The following SYNPR variants were observed in gnomAD, a reference collection of about 807,000 sequenced individuals.
SYNPR encodes the protein synaptoporin.
In SYNPR, 23 loss-of-function variants were observed where a neutral mutation model predicts 32.9. The observed-to-expected ratio is 0.70, with a 90% CI of 0.50 to 0.99. The LOEUF (loss-of-function observed/expected upper bound fraction) is 0.99, where lower values mean the gene tolerates loss of function less well. Among genes scored for constraint, SYNPR ranks in the 50% least tolerant of loss-of-function variants. The pLI is 0.00. For missense variants in SYNPR, 318 were observed against 349.3 expected, an observed-to-expected ratio of 0.91 and a Z score of 0.71; for synonymous variants, 146 against 135.9, an observed-to-expected ratio of 1.07 and a Z score of -0.52.
At chr3:63,210,819 TCC>T in the SYNPR span, among the ~76,000 whole-genome samples, 2 of 151,564 alleles carry the variant, frequency 1.3e-5, no homozygotes, top group African/African-American at 4.9e-5. Flanking sequence ...CTTCCTTCCT[TCC>T]TTTCCTTCCT....
intron 3 of SYNPR, among the ~76,000 whole-genome samples, chr3:63,481,938 A>T (rs1701056974): frequency 6.6e-6 from 1 of 152,296 alleles, no homozygotes; most frequent in Admixed American, 6.5e-5. Context: ...TTTCCCACTA[A>T]GAGATGTGGC....
At chr3:63,487,949 C>G (rs12634041) in intron 3 of SYNPR, among the ~76,000 whole-genome samples, 33,675 of 151,968 alleles carry the variant, frequency 0.22, 4,025 homozygotes, top group East Asian at 0.31. Flanking sequence ...ACCATTCCCC[C>G]GCTCATGACT....
intron 2 of SYNPR, among the ~76,000 whole-genome samples, chr3:63,433,125 C>A (rs1460240894): frequency 6.6e-6 from 1 of 152,144 alleles, no homozygotes; most frequent in Non-Finnish European, 1.5e-5. Context: ...AGGGTGGAAG[C>A]TTTTTCTGAA....
At chr3:63,264,138 T>C (rs2086461651) in intron 2 of SYNPR, among the ~76,000 whole-genome samples, 2 of 152,154 alleles carry the variant, frequency 1.3e-5, no homozygotes, top group Non-Finnish European at 2.9e-5. Flanking sequence ...CTTCTTGTGA[T>C]TAGTGTATAT....
the SYNPR span, among the ~76,000 whole-genome samples, chr3:63,220,368 T>C: frequency 6.6e-6 from 1 of 152,206 alleles, no homozygotes; most frequent in Non-Finnish European, 1.5e-5. Context: ...AGTTATGAGA[T>C]GGTTAATAAC....
chr3:63,534,659 T>G (rs1400435120), intron 3 of SYNPR, among the ~76,000 whole-genome samples: 1 of 152,140 alleles, frequency 6.6e-6, no homozygotes, highest in African/African-American at 2.4e-5. Context: ...TGGCTTACAG[T>G]TCTAGTGGCT....
At chr3:63,543,873 T>C (rs1332559330) in intron 3 of SYNPR, among the ~76,000 whole-genome samples, 4 of 152,038 alleles carry the variant, frequency 2.6e-5, no homozygotes, top group African/African-American at 9.7e-5. Context: ...TTCCCTTATG[T>C]AGCTGGCCAT....
chr3:63,380,130 T>C (rs966775966), intron 2 of SYNPR, among the ~76,000 whole-genome samples: 2 of 152,194 alleles, frequency 1.3e-5, no homozygotes, highest in Admixed American at 1.3e-4. Context: ...CTATTGTGAA[T>C]AGTGCCTCAA....
the SYNPR span, among the ~76,000 whole-genome samples, chr3:63,208,910 C>A: frequency 6.6e-6 from 1 of 152,140 alleles, no homozygotes; most frequent in Non-Finnish European, 1.5e-5. Context: ...TACTACTTCC[C>A]TCAAAGGTTT....
intron 3 of SYNPR, among the ~76,000 whole-genome samples, chr3:63,267,980 CA>C (rs1253437755): frequency 3.3e-5 from 5 of 152,146 alleles, no homozygotes; most frequent in Admixed American, 6.5e-5. Context: ...TATTTTAAAA[CA>C]GTTCATAACT....
intron 2 of SYNPR, among the ~76,000 whole-genome samples, chr3:63,286,747 G>C (rs963040518): frequency 6.6e-6 from 1 of 152,174 alleles, no homozygotes; most frequent in African/African-American, 2.4e-5. Flanking sequence ...TACTAGCTTA[G>C]GCTCCTTTAA....
chr3:63,396,796 G>A (rs1052220788), intron 2 of SYNPR, among the ~76,000 whole-genome samples: 6 of 152,172 alleles, frequency 3.9e-5, no homozygotes, highest in African/African-American at 1.4e-4. Flanking sequence ...AGAGGGAACA[G>A]CCTAAAACTT....
Position 63,346,897 on chromosome 3 carries a change from A to T in SYNPR, c.84+68155A>T, listed in dbSNP as rs78746255. Among the ~76,000 whole-genome samples the T allele has an allele frequency of 3.0e-3, 461 of 152,366 alleles. 2 individuals carry two copies. The highest frequency in any genetic ancestry group is 0.011 in the African/African-American group (447 of 41,584). On this transcript the variant is annotated intron_variant, in intron 2 of 5. Coordinates refer to ENST00000478300, the MANE Select transcript of SYNPR (RefSeq NM_001130003.2). ...ATGGCACTGGGCGATGGAGTAATCT[A>T]TAAGTTGACAGATATTCTATGGATA...
At chr3:63,555,781 C>A (rs551330948) in intron 3 of SYNPR, among the ~76,000 whole-genome samples, 3 of 152,200 alleles carry the variant, frequency 2.0e-5, no homozygotes, top group East Asian at 1.9e-4. Flanking sequence ...AACCAAGATT[C>A]CCACTATCAT....
intron 2 of SYNPR, among the ~76,000 whole-genome samples, chr3:63,344,861 G>C (rs988406843): frequency 6.6e-6 from 1 of 152,160 alleles, no homozygotes; most frequent in African/African-American, 2.4e-5. Context: ...GTTGGGTTCA[G>C]CATGAAATTG....
At chr3:63,212,097 T>C in the SYNPR span, among the ~76,000 whole-genome samples, 1 of 52,664 alleles carries the variant, frequency 1.9e-5, no homozygotes, top group East Asian at 2.6e-4. Flanking sequence ...ATTTTCTTAA[T>C]CCAGTCTACC....
intron 4 of SYNPR, among the ~76,000 whole-genome samples, chr3:63,595,874 A>G (rs180680864): frequency 0.05 from 2,495 of 49,632 alleles, 223 homozygotes; most frequent in Non-Finnish European, 0.067. Context: ...TATATATATA[A>G]TTTTATATAT....
chr3:63,600,389 T>C (rs1050840898), intron 4 of SYNPR, among the ~76,000 whole-genome samples: 6 of 152,176 alleles, frequency 3.9e-5, no homozygotes, highest in Admixed American at 3.3e-4. Flanking sequence ...CCAGCTGGGT[T>C]TGGCCAGTGG....
rs556246398 is a variant in SYNPR, at chr3:63,400,917, T to C, written c.85-79915T>C. On this transcript the variant is annotated intron_variant, in intron 2 of 5. Transcript: ENST00000478300. ...TGTGAAGAGGTATAGCAACACAGAATGGCTTGATACATATGATGGAAAATC... is the reference window on the plus strand; with the variant it reads ...TGTGAAGAGGTATAGCAACACAGAACGGCTTGATACATATGATGGAAAATC... Among the ~76,000 whole-genome samples, 7 of 152,252 alleles carry C rather than the reference T, an allele frequency of 4.6e-5. No homozygotes were observed. The South Asian group carries it at 1.5e-3, about 32-fold the overall frequency.
Sources: gnomAD v4.1 joint callset for allele counts (sites outside exome capture counted in the v4.1 genomes callset) on GRCh38, gnomAD v4.1.1 for gene constraint, MANE v1.5 for transcripts, NCBI Gene and HGNC (gene_info 2026-07-23, HGNC 2026-07-21) for gene names.